Variants in CGNL1 observed in about 807,000 individuals in gnomAD.
The protein encoded by CGNL1 is cingulin-like protein 1.
Under a neutral mutation model 141.2 loss-of-function variants are expected in CGNL1, and 132 were observed. The ratio of observed to expected loss-of-function variants is 0.93; its 90% confidence interval spans 0.81 to 1.08. The LOEUF (loss-of-function observed/expected upper bound fraction) is 1.08, where lower values mean the gene tolerates loss of function less well. Ranked by LOEUF, CGNL1 falls within the 50% of genes least tolerant of loss-of-function variation. CGNL1 has a pLI of 0.00. For synonymous variants in CGNL1, 690 were observed against 622.1 expected, an observed-to-expected ratio of 1.11 and a Z score of -1.63; for missense variants, 1,870 against 1,588.6, an observed-to-expected ratio of 1.18 and a Z score of -3.01.
At chr15:57,480,701 C>G (rs2063714455) in intron 8 of CGNL1, among the ~76,000 whole-genome samples, 1 of 152,014 alleles carries the variant, frequency 6.6e-6, no homozygotes, top group African/African-American at 2.4e-5. Flanking sequence ...TGACCCATAT[C>G]CCGTCTTTCA....
At chr15:57,396,415 A>G (rs1228331940) in intron 1 of CGNL1, among the ~76,000 whole-genome samples, 1 of 152,044 alleles carries the variant, frequency 6.6e-6, no homozygotes, top group Admixed American at 6.6e-5. Context: ...CTGGGGCTAC[A>G]GGTGCATGCC....
chr15:57,468,394 C>G (rs1039662594), intron 8 of CGNL1, among the ~76,000 whole-genome samples: 2 of 152,000 alleles, frequency 1.3e-5, no homozygotes, highest in South Asian at 2.1e-4. Context: ...CTGCACGCCA[C>G]CACACCTGGC....
Position 57,438,279 on chromosome 15 carries a change from C to T in CGNL1, c.280C>T (p.Pro94Ser), listed in dbSNP as rs2063133005. 14 of 1,614,006 alleles carry T rather than the reference C, an allele frequency of 8.7e-6. No homozygotes were observed. Among genetic ancestry groups the T allele is most frequent in the Non-Finnish European group, 1.2e-5 (14 of 1,180,034 alleles). The change falls in exon 2 of 19, where the codon CCA (proline) becomes TCA (serine). Residue 94 changes from proline to serine, a missense_variant. Physicochemically the swap from Pro to Ser is moderately conservative, Grantham distance 74 (BLOSUM62 -1). Transcript: ENST00000281282. The stretch of plus-strand genomic sequence containing the variant: ...TCTACATTCCAGCAATGGTTCTGTG[C>T]CAAAGGAGAACAGTGAAGAACTTCA... ...LPLHSSNGSV[P>S]KENSEELQLP...
chr15:57,525,417 G>A (rs1181139253), intron 12 of CGNL1, among the ~76,000 whole-genome samples: 1 of 152,208 alleles, frequency 6.6e-6, no homozygotes, highest in Non-Finnish European at 1.5e-5. Flanking sequence ...CTGATTTCTA[G>A]CTATACCTCT....
chr15:57,505,671 C>T (rs540816065), intron 8 of CGNL1, among the ~76,000 whole-genome samples: 1 of 152,318 alleles, frequency 6.6e-6, no homozygotes, highest in East Asian at 1.9e-4. Context: ...TCTTGCCTAC[C>T]GAGACCATGT....
chr15:57,405,786 CTT>C (rs748675824), intron 1 of CGNL1, among the ~76,000 whole-genome samples: 1,330 of 121,332 alleles, frequency 0.011, 8 homozygotes, highest in South Asian at 0.03. Flanking sequence ...TTCTTTCTTT[CTT>C]TCTTTCTTTC....
chr15:57,418,488 T>C (rs10083574), intron 1 of CGNL1, among the ~76,000 whole-genome samples: 148,128 of 152,226 alleles, frequency 0.97, 72,200 homozygotes, highest in Middle Eastern at 1. Flanking sequence ...TGGGGAAGGT[T>C]GGTCTACCAT....
In CGNL1 at chr15:57,524,565, G is replaced by C; in HGVS notation, c.2869-16G>C. 3 of 1,608,204 alleles carry C rather than the reference G, an allele frequency of 1.9e-6. No individual in the cohort carries two copies. The highest frequency in any genetic ancestry group is 2.5e-6 in the Non-Finnish European group (3 of 1,177,412). On this transcript the variant is annotated splice_polypyrimidine_tract_variant and intron_variant, in intron 11 of 18. Transcript: ENST00000281282. ...AGCATCCCAGGGTGGGCTCACACCC[G>C]TGTCACTTCTTCTAGATGGCAGACA...
intron 1 of CGNL1, among the ~76,000 whole-genome samples, chr15:57,432,426 C>T (rs765902660): frequency 2.0e-5 from 3 of 152,164 alleles, no homozygotes; most frequent in Non-Finnish European, 2.9e-5. Context: ...AGAGCTAAGC[C>T]CTTTGTTCTT....
intron 8 of CGNL1, among the ~76,000 whole-genome samples, chr15:57,463,123 G>A (rs1243264650): frequency 6.6e-6 from 1 of 152,142 alleles, no homozygotes; most frequent in Admixed American, 6.5e-5. Flanking sequence ...TTGACTTAAT[G>A]TGGTGTATTC....
chr15:57,503,187 A>G (rs995184097), intron 8 of CGNL1, among the ~76,000 whole-genome samples: 3 of 152,226 alleles, frequency 2.0e-5, no homozygotes, highest in African/African-American at 7.2e-5. Flanking sequence ...CAGGCTCTCC[A>G]GATCCTCAAT....
At chr15:57,403,378 C>T (rs2062680916) in intron 1 of CGNL1, among the ~76,000 whole-genome samples, 1 of 152,274 alleles carries the variant, frequency 6.6e-6, no homozygotes, top group South Asian at 2.1e-4. Flanking sequence ...TCCCCTTTCC[C>T]CCCAACAACA....
chr15:57,516,146 G>A lies in CGNL1; in HGVS notation c.2404-634G>A, dbSNP rs761450168. ...TGCACTCCAGCCTGGGGGACAGAGC[G>A]AGACTCTGTCTCAAAAAAAAAAAAA... On this transcript the variant is annotated intron_variant, in intron 8 of 18. Coordinates refer to ENST00000281282, the MANE Select transcript of CGNL1 (RefSeq NM_032866.5). 3.9e-5 allele frequency among the ~76,000 whole-genome samples: 5 copies of A among 127,592 alleles called. No individual in the cohort carries two copies. In the East Asian group the frequency reaches 7.2e-4, roughly 18 times the overall value. 83.7% of individuals were successfully genotyped at this position (127,592 alleles called of 152,430 possible).
At chr15:57,464,335 CTG>C (rs1321358814) in intron 8 of CGNL1, among the ~76,000 whole-genome samples, 1 of 152,052 alleles carries the variant, frequency 6.6e-6, no homozygotes, top group Non-Finnish European at 1.5e-5. Context: ...CTGGATGTTT[CTG>C]TGAGATCTCC....
At chr15:57,420,937 G>A (rs559764764) in intron 1 of CGNL1, among the ~76,000 whole-genome samples, 5 of 152,278 alleles carry the variant, frequency 3.3e-5, no homozygotes, top group African/African-American at 1.2e-4. Context: ...CCATCCATTT[G>A]CTATGGGCTG....
chr15:57,425,332 C>G (rs2062960656), intron 1 of CGNL1, among the ~76,000 whole-genome samples: 1 of 152,048 alleles, frequency 6.6e-6, no homozygotes, highest in African/African-American at 2.4e-5. Flanking sequence ...CCAGTGCATT[C>G]CCACCTGGGT....
rs1166567859 is a variant in CGNL1 at position 57,391,415 on chromosome 15, G to T, written c.-16+14848G>T. On this transcript the variant is annotated intron_variant, in intron 1 of 18. Coordinates refer to ENST00000281282, the MANE Select transcript of CGNL1 (RefSeq NM_032866.5). Reference sequence around the variant, plus strand: ...GCTGCTAGACTTTGAGGAAGAAAAGGCTCTAGCCACTTGTGAAAATGAACC... The same window carrying T: ...GCTGCTAGACTTTGAGGAAGAAAAGTCTCTAGCCACTTGTGAAAATGAACC... Among the ~76,000 whole-genome samples, 4 of 152,290 alleles carry T rather than the reference G, an allele frequency of 2.6e-5. 1 individual carries two copies. The South Asian group carries it at 6.2e-4, about 24-fold the overall frequency.
At chr15:57,519,586 T>G (rs1419037740) in intron 10 of CGNL1, among the ~76,000 whole-genome samples, 1 of 152,212 alleles carries the variant, frequency 6.6e-6, no homozygotes, top group African/African-American at 2.4e-5. Flanking sequence ...AATGTCTGAC[T>G]GCCTTCACTT....
At position 57,544,506 on chromosome 15, in the gene CGNL1, G is replaced by A. The variant is rs773717307; in HGVS notation, c.3409G>A (p.Glu1137Lys). The A allele has an allele frequency of 3.1e-6, 5 of 1,613,830 alleles. No homozygotes were observed. Among genetic ancestry groups the A allele is most frequent in the Admixed American group, 3.3e-5 (2 of 59,986 alleles). Reference sequence around the variant, plus strand: ...CTTAAAGAGCCGGATTATCCACCTGGAAGGTTCCTACAGGTCCAGCAAAGA... The same window carrying A: ...CTTAAAGAGCCGGATTATCCACCTGAAAGGTTCCTACAGGTCCAGCAAAGA... ...KDLKSRIIHLEGSYRSSKEGL... is the reference protein window; with the variant it reads ...KDLKSRIIHLKGSYRSSKEGL... The change falls in exon 16 of 19, where the codon GAA becomes AAA. Residue 1137 changes from glutamate to lysine, a missense_variant. By Grantham distance (56) the Glu-to-Lys change is moderately conservative. Coordinates refer to ENST00000281282, the MANE Select transcript of CGNL1 (RefSeq NM_032866.5).
Sources: gnomAD v4.1 joint callset for allele counts (sites outside exome capture counted in the v4.1 genomes callset) on GRCh38, gnomAD v4.1.1 for gene constraint, MANE v1.5 for transcripts, NCBI Gene and HGNC (gene_info 2026-07-23, HGNC 2026-07-21) for gene names.